PRDM6: variants seen among roughly 807,000 people sequenced by gnomAD.
The protein encoded by PRDM6 is PR/SET domain 6.
Under a neutral mutation model 60.8 loss-of-function variants are expected in PRDM6, and 25 were observed. The observed-to-expected ratio is 0.41, with a 90% CI of 0.30 to 0.57. PRDM6 has a LOEUF of 0.57. PRDM6 is among the 20% of genes least tolerant of loss of function. The pLI is 0.27. For missense variants in PRDM6, 839 were observed against 821.3 expected, an observed-to-expected ratio of 1.02 and a Z score of -0.26; for synonymous variants, 407 against 357.4, an observed-to-expected ratio of 1.14 and a Z score of -1.57.
chr5:123,159,508 G>C lies in PRDM6; in HGVS notation c.1029-6G>C. ...ACTAAGCTGGGTTTTCTTTTGTTTT[G>C]AATAGGTCGAATATATTCTACCGAG... On this transcript the variant is annotated splice_polypyrimidine_tract_variant and splice_region_variant and intron_variant, in intron 4 of 7. Transcript: ENST00000407847. 1 of 1,550,512 alleles carries C rather than the reference G, an allele frequency of 6.4e-7. No individual in the cohort carries two copies. The highest frequency in any genetic ancestry group is 8.7e-7 in the Non-Finnish European group (1 of 1,146,432).
chr5:123,164,201 G>A (rs536680743), intron 5 of PRDM6, among the ~76,000 whole-genome samples: 1 of 152,342 alleles, frequency 6.6e-6, no homozygotes, highest in South Asian at 2.1e-4. Flanking sequence ...CTGTGCAGAT[G>A]CTGTGTGAGG....
At chr5:123,128,200 G>C (rs1764738404) in intron 3 of PRDM6, among the ~76,000 whole-genome samples, 1 of 152,176 alleles carries the variant, frequency 6.6e-6, no homozygotes, top group African/African-American at 2.4e-5. Context: ...CCAAGTCTTT[G>C]CTAATGTGAA....
At chr5:123,112,358 C>A (rs908430673) in intron 3 of PRDM6, among the ~76,000 whole-genome samples, 1 of 152,212 alleles carries the variant, frequency 6.6e-6, no homozygotes, top group African/African-American at 2.4e-5. Context: ...ATGGAGAACC[C>A]ATATGTTCCT....
chr5:123,098,061 A>G (rs1460945350), intron 2 of PRDM6, among the ~76,000 whole-genome samples: 1 of 152,206 alleles, frequency 6.6e-6, no homozygotes, highest in Non-Finnish European at 1.5e-5. Context: ...CTCCCTTACC[A>G]TGCTGGGTTG....
At chr5:123,144,515 G>C (rs984415441) in intron 3 of PRDM6, among the ~76,000 whole-genome samples, 1 of 152,090 alleles carries the variant, frequency 6.6e-6, no homozygotes, top group Admixed American at 6.6e-5. Flanking sequence ...AGGCATGAAT[G>C]GGGTGGGGGG....
chr5:123,115,772 T>G (rs529653374), intron 3 of PRDM6, among the ~76,000 whole-genome samples: 40 of 152,302 alleles, frequency 2.6e-4, no homozygotes, highest in African/African-American at 9.4e-4. Context: ...TTGAATCCAA[T>G]TGCTCAACAT....
rs1034545857 is a variant in PRDM6 at position 123,189,776 on chromosome 5, A to T, written c.*2575A>T. 1 of 152,224 alleles carries T rather than the reference A, an allele frequency of 6.6e-6. No homozygotes were observed. The highest frequency in any genetic ancestry group is 1.5e-5 in the Non-Finnish European group (1 of 68,046). The allele number at this position is 152,224 out of a possible 1,614,324, so 9.4% of individuals were successfully genotyped here. A position where few individuals can be genotyped will look rare whatever the true frequency, so the allele number is the denominator to read the frequency against. ...CATTGCTGTCCTATTGCCAGCTTCT[A>T]GCAGACCAGCCTAGGCTGTCTGTCC... On this transcript the variant is annotated 3_prime_UTR_variant, in exon 8 of 8. Transcript: ENST00000407847.
chr5:123,105,985 T>C (rs573695395), intron 3 of PRDM6, among the ~76,000 whole-genome samples: 1 of 152,218 alleles, frequency 6.6e-6, no homozygotes, highest in Non-Finnish European at 1.5e-5. Flanking sequence ...CCTGATTTAC[T>C]CACTGTAATA....
chr5:123,090,344 CCTGCCGGTGTCGCAG>C lies in PRDM6; in HGVS notation c.341_355del (p.Ser114_Val118del). The stretch of plus-strand genomic sequence containing the variant: ...CCGCCGCGCTGGCTGGTCTCTCGGC[CCTGCCGGTGTCGCAG>C]CTGCCGGTGTTCGCGCCTCTAGCCG... On this transcript the variant is annotated inframe_deletion, in exon 2 of 8. Transcript: ENST00000407847. 9 of 1,476,702 alleles carry C rather than the reference CCTGCCGGTGTCGCAG, an allele frequency of 6.1e-6. No individual in the cohort carries two copies. Among genetic ancestry groups the C allele is most frequent in the Non-Finnish European group, 8.0e-6 (9 of 1,118,670 alleles). 91.5% of individuals were successfully genotyped at this position (1,476,702 alleles called of 1,614,324 possible).
At chr5:123,090,757 C>T (rs1215620128) in intron 2 of PRDM6, among the ~76,000 whole-genome samples, 151 bp downstream of exon 2, 2 of 152,128 alleles carry the variant, frequency 1.3e-5, no homozygotes, top group African/African-American at 4.8e-5. Flanking sequence ...CCGCGCCTCC[C>T]CGATCTCTGT....
At chr5:123,157,136 C>G (rs1239800708) in intron 4 of PRDM6, among the ~76,000 whole-genome samples, 3 of 150,488 alleles carry the variant, frequency 2.0e-5, no homozygotes, top group Admixed American at 6.6e-5. Flanking sequence ...AAAGGCTGCA[C>G]AAATTTGGCT....
intron 3 of PRDM6, among the ~76,000 whole-genome samples, chr5:123,127,000 C>G (rs1353812537): frequency 6.6e-6 from 1 of 151,982 alleles, no homozygotes; most frequent in Non-Finnish European, 1.5e-5. Context: ...AACCCTGGCT[C>G]CCAGAACTTA....
intron 7 of PRDM6, among the ~76,000 whole-genome samples, chr5:123,183,083 C>G (rs1367581522): frequency 1.3e-5 from 2 of 151,752 alleles, no homozygotes; most frequent in Non-Finnish European, 2.9e-5. Context: ...TTTTAAAAAC[C>G]TTTTTTTTGC....
At chr5:123,131,452 G>A (rs1764832655) in intron 3 of PRDM6, among the ~76,000 whole-genome samples, 1 of 152,082 alleles carries the variant, frequency 6.6e-6, no homozygotes, top group African/African-American at 2.4e-5. Context: ...CTATAAATAT[G>A]TACCAGTATT....
intron 3 of PRDM6, among the ~76,000 whole-genome samples, chr5:123,151,209 G>A (rs1204510231): frequency 6.6e-6 from 1 of 152,122 alleles, no homozygotes; most frequent in African/African-American, 2.4e-5. Context: ...TGGAGCCTTG[G>A]CACAGGGATA....
At chr5:123,159,704 A>G in intron 5 of PRDM6, 66 bp downstream of exon 5, 2 of 1,491,618 alleles carry the variant, frequency 1.3e-6, no homozygotes, top group South Asian at 2.5e-5. Context: ...ACTTTTTAAG[A>G]GCTTTTTTTG....
intron 4 of PRDM6, among the ~76,000 whole-genome samples, chr5:123,158,173 C>G (rs461100): frequency 0.053 from 8,022 of 152,278 alleles, 277 homozygotes; most frequent in Non-Finnish European, 0.078. Context: ...TTAGCACATT[C>G]ATTTGCTGGG....
At chr5:123,098,443 G>A (rs1277627369) in intron 2 of PRDM6, among the ~76,000 whole-genome samples, 1 of 152,240 alleles carries the variant, frequency 6.6e-6, no homozygotes. Flanking sequence ...GCGCAGACAC[G>A]GCGGCTCCTC....
At position 123,156,137 on chromosome 5, in the gene PRDM6, T is replaced by TA. The variant is rs967951670; in HGVS notation, c.1028+126_1028+127insA. 25 of 927,458 alleles carry TA rather than the reference T, an allele frequency of 2.7e-5. No homozygotes were observed. In the African/African-American group the frequency reaches 2.8e-4, roughly 11 times the overall value. 57.5% of individuals were successfully genotyped at this position (927,458 alleles called of 1,614,324 possible). A position where few individuals can be genotyped will look rare whatever the true frequency, so the allele number is the denominator to read the frequency against. Reference sequence around the variant, plus strand: ...CTCTGCAAGGACTGGCAGACATTTTTTTTTTTTGCTAGGTTTCTGAAACCT... The same window carrying TA: ...CTCTGCAAGGACTGGCAGACATTTTTATTTTTTTGCTAGGTTTCTGAAACCT... On this transcript the variant is annotated intron_variant, in intron 4 of 7. Coordinates refer to ENST00000407847, the MANE Select transcript of PRDM6 (RefSeq NM_001136239.4).
Sources: allele counts gnomAD v4.1 joint callset (sites outside exome capture counted in the v4.1 genomes callset), GRCh38; gene constraint gnomAD v4.1.1; transcripts MANE v1.5; gene names NCBI Gene and HGNC (gene_info 2026-07-23, HGNC 2026-07-21).